The following KCNN3 variants were observed in gnomAD, a reference collection of about 807,000 sequenced individuals.
KCNN3 encodes small conductance calcium-activated potassium channel protein 3.
Under a neutral mutation model 62.9 loss-of-function variants are expected in KCNN3, and 16 were observed. The ratio of observed to expected loss-of-function variants is 0.25; its 90% CI spans 0.17 to 0.39. The LOEUF is 0.39. KCNN3 is among the 10% of genes least tolerant of loss of function. The pLI is 1.00. For synonymous variants in KCNN3, 370 were observed against 389.2 expected (o/e 0.95, Z 0.58); for missense variants, 599 against 949.4 (o/e 0.63, Z 4.85).
At chr1:154,845,414 C>T (rs1348486510) in intron 1 of KCNN3, among the ~76,000 whole-genome samples, 1 of 152,186 alleles carries the variant, frequency 6.6e-6, no homozygotes, top group Non-Finnish European at 1.5e-5. Context: ...GCCAGCTCAC[C>T]GGCTCCAAAT....
At chr1:154,849,507 G>T (rs1357367402) in intron 1 of KCNN3, among the ~76,000 whole-genome samples, 1 of 152,184 alleles carries the variant, frequency 6.6e-6, no homozygotes, top group African/African-American at 2.4e-5. Context: ...CCCCATTACT[G>T]TGTAGACACC....
intron 3 of KCNN3, among the ~76,000 whole-genome samples, chr1:154,759,721 C>T (rs1006316357): frequency 6.6e-6 from 1 of 152,182 alleles, no homozygotes; most frequent in Non-Finnish European, 1.5e-5. Context: ...ACTGGGTCTC[C>T]CTAAGGCAAA....
intron 2 of KCNN3, among the ~76,000 whole-genome samples, chr1:154,800,906 A>G (rs1246018647): frequency 7.1e-6 from 1 of 141,518 alleles, no homozygotes; most frequent in Non-Finnish European, 1.6e-5. Context: ...TTAGCCGGGC[A>G]TGATTGTGCG....
At chr1:154,790,503 G>A (rs550298991) in intron 2 of KCNN3, among the ~76,000 whole-genome samples, 1 of 152,154 alleles carries the variant, frequency 6.6e-6, no homozygotes, top group Non-Finnish European at 1.5e-5. Flanking sequence ...ATAAAGCATT[G>A]AATATCTCAT....
chr1:154,743,265 C>A (rs1259083539), intron 3 of KCNN3, among the ~76,000 whole-genome samples: 1 of 152,184 alleles, frequency 6.6e-6, no homozygotes, highest in Non-Finnish European at 1.5e-5. Flanking sequence ...CTCACCTGGA[C>A]CACTGCAGTA....
intron 1 of KCNN3, among the ~76,000 whole-genome samples, chr1:154,851,513 C>G (rs1275283735): frequency 6.6e-6 from 1 of 152,228 alleles, no homozygotes; most frequent in Non-Finnish European, 1.5e-5. Context: ...GCTTCTCCCA[C>G]AGTCTTCTCC....
At chr1:154,726,113 G>A in intron 4 of KCNN3, 87 bp from the exon 5 acceptor site, 2 of 979,778 alleles carry the variant, frequency 2.0e-6, no homozygotes, top group East Asian at 2.6e-5. Flanking sequence ...GGCGGCCACG[G>A]GGGTAATTTC....
chr1:154,750,979 C>T (rs1399850650), intron 3 of KCNN3, among the ~76,000 whole-genome samples: 2 of 152,220 alleles, frequency 1.3e-5, no homozygotes, highest in Non-Finnish European at 2.9e-5. Context: ...AGTCTTGGGG[C>T]TCCCTCTAGC....
At chr1:154,774,017 C>T (rs1192738003) in intron 2 of KCNN3, among the ~76,000 whole-genome samples, 1 of 152,186 alleles carries the variant, frequency 6.6e-6, no homozygotes, top group Non-Finnish European at 1.5e-5. Flanking sequence ...CTCCATGATC[C>T]TGGGCAAATT....
At chr1:154,768,300 T>C (rs1185880954) in intron 3 of KCNN3, among the ~76,000 whole-genome samples, 1 of 152,242 alleles carries the variant, frequency 6.6e-6, no homozygotes, top group Admixed American at 6.5e-5. Context: ...TTACTTATTA[T>C]TTGACATTGG....
chr1:154,714,931 T>C lies in KCNN3; in HGVS notation c.1774A>G (p.Ile592Val). ...IYKHTKLLKK[I>V]DHAKVRKHQR... Reference sequence around the variant, plus strand: ...TGTTTCCTCACTTTGGCATGGTCAATCTTCTTTAGCAGCTTTGTGTGTTTA... The same window carrying C: ...TGTTTCCTCACTTTGGCATGGTCAACCTTCTTTAGCAGCTTTGTGTGTTTA... The change falls in exon 6 of 8, where the codon ATT becomes GTT. Residue 592 changes from isoleucine to valine, a missense_variant. Transcript: ENST00000271915. 6.2e-7 allele frequency: 1 copy of C among 1,613,750 alleles called. No homozygotes were observed. The highest frequency in any genetic ancestry group is 8.5e-7 in the Non-Finnish European group (1 of 1,179,768).
chr1:154,822,836 G>A (rs1222905613), intron 1 of KCNN3, among the ~76,000 whole-genome samples: 1 of 152,186 alleles, frequency 6.6e-6, no homozygotes, highest in African/African-American at 2.4e-5. Context: ...GATTAGGTGG[G>A]GGAGGTGAGC....
At chr1:154,762,496 T>G (rs1648063461) in intron 3 of KCNN3, among the ~76,000 whole-genome samples, 1 of 152,264 alleles carries the variant, frequency 6.6e-6, no homozygotes, top group South Asian at 2.1e-4. Context: ...CAGCCTATTT[T>G]TTTCACTGGG....
chr1:154,780,440 A>G (rs1648987612), intron 2 of KCNN3, among the ~76,000 whole-genome samples: 3 of 150,702 alleles, frequency 2.0e-5, no homozygotes, highest in Admixed American at 6.6e-5. Flanking sequence ...AAAGGAGAGA[A>G]AATGGAAAAA....
chr1:154,732,938 G>C, intron 4 of KCNN3, 65 bp downstream of exon 4: 1 of 1,593,768 alleles, frequency 6.3e-7, no homozygotes, highest in Admixed American at 1.7e-5. Context: ...CTATGTGCTT[G>C]CAAGAAAGAG....
At chr1:154,839,195 G>A (rs1044404240) in intron 1 of KCNN3, among the ~76,000 whole-genome samples, 2 of 152,128 alleles carry the variant, frequency 1.3e-5, no homozygotes, top group Admixed American at 6.5e-5. Context: ...GCATAACCAC[G>A]TGCCCACCAC....
chr1:154,767,834 G>A (rs748163800), intron 3 of KCNN3, among the ~76,000 whole-genome samples: 8 of 152,186 alleles, frequency 5.3e-5, no homozygotes, highest in Non-Finnish European at 1.2e-4. Context: ...CCCATGGCAC[G>A]GCTGTTCTGC....
rs1039842216 is a variant in KCNN3 at position 154,705,157 on chromosome 1, C to G, written c.*2819G>C. ...GTACAAGAAGGCATGACATGAGAAT[C>G]CACCTGCCCCTTTTCCCATCTGACT... On this transcript the variant is annotated 3_prime_UTR_variant, in exon 8 of 8. Coordinates refer to ENST00000271915, the MANE Select transcript of KCNN3 (RefSeq NM_002249.6). 1 of 152,162 alleles carries G rather than the reference C, an allele frequency of 6.6e-6. No individual in the cohort carries two copies. The highest frequency in any genetic ancestry group is 2.4e-5 in the African/African-American group (1 of 41,432). The allele number at this position is 152,162 out of a possible 1,614,324, so 9.4% of individuals were successfully genotyped here. A position where few individuals can be genotyped will look rare whatever the true frequency, so the allele number is the denominator to read the frequency against.
chr1:154,743,230 C>T (rs987704606), intron 3 of KCNN3, among the ~76,000 whole-genome samples: 2 of 152,112 alleles, frequency 1.3e-5, no homozygotes, highest in African/African-American at 4.8e-5. Flanking sequence ...CAGCCCCACC[C>T]TCTCACCTGG....
Sources: gnomAD v4.1 joint callset for allele counts (sites outside exome capture counted in the v4.1 genomes callset) on GRCh38, gnomAD v4.1.1 for gene constraint, MANE v1.5 for transcripts, NCBI Gene and HGNC (gene_info 2026-07-23, HGNC 2026-07-21) for gene names.